Variants in SLC24A2 observed in about 807,000 individuals in gnomAD.
The protein encoded by SLC24A2 is sodium/potassium/calcium exchanger 2.
A neutral mutation model predicts 62.0 loss-of-function variants in SLC24A2; 36 were observed. That is an observed-to-expected ratio of 0.58 (90% confidence interval 0.44 to 0.77). SLC24A2 has a LOEUF of 0.77. Among genes scored for constraint, SLC24A2 ranks in the 30% least tolerant of loss-of-function variants. SLC24A2 has a pLI of 0.00. For missense variants in SLC24A2, 846 were observed against 817.9 expected, an observed-to-expected ratio of 1.03 and a Z score of -0.42; for synonymous variants, 358 against 294.0, an observed-to-expected ratio of 1.22 and a Z score of -2.23.
intron 2 of SLC24A2, among the ~76,000 whole-genome samples, chr9:19,695,679 C>CAAAAAAAA (rs66668393): frequency 1.4e-5 from 1 of 73,536 alleles, no homozygotes; most frequent in Non-Finnish European, 2.4e-5. Context: ...TTGTTAGTAG[C>CAAAAAAAA]AAAAAAAAAA....
intron 2 of SLC24A2, among the ~76,000 whole-genome samples, chr9:19,674,751 C>T (rs1280797651): frequency 6.6e-6 from 1 of 152,032 alleles, no homozygotes; most frequent in East Asian, 1.9e-4. Flanking sequence ...AGATTTTTCC[C>T]TTCCTATCTT....
chr9:20,212,980 T>A, the SLC24A2 span, among the ~76,000 whole-genome samples: 1 of 151,556 alleles, frequency 6.6e-6, no homozygotes, highest in Non-Finnish European at 1.5e-5. Context: ...TGTGAACACA[T>A]AGACACAGGG....
chr9:19,980,607 G>T, the SLC24A2 span, among the ~76,000 whole-genome samples: 2 of 152,098 alleles, frequency 1.3e-5, no homozygotes, highest in African/African-American at 4.8e-5. Context: ...TTTAATATGA[G>T]GTGGTAAGAT....
At chr9:19,892,150 C>T in the SLC24A2 span, among the ~76,000 whole-genome samples, 60,308 of 151,746 alleles carry the variant, frequency 0.4, 12,574 homozygotes, top group East Asian at 0.84. Context: ...CTTTTTCTTC[C>T]GTTTAGAATG....
chr9:19,969,442 A>T, the SLC24A2 span, among the ~76,000 whole-genome samples: 2 of 152,176 alleles, frequency 1.3e-5, no homozygotes, highest in Non-Finnish European at 2.9e-5. Context: ...ATAAAGCACA[A>T]AAAAATTCCA....
the SLC24A2 span, among the ~76,000 whole-genome samples, chr9:20,099,583 T>A: frequency 2.6e-5 from 4 of 152,068 alleles, no homozygotes; most frequent in African/African-American, 7.2e-5. Flanking sequence ...ACAGATTGTT[T>A]TGTGCTTGTA....
the SLC24A2 span, among the ~76,000 whole-genome samples, chr9:20,012,627 T>C: frequency 1.3e-5 from 2 of 152,168 alleles, no homozygotes; most frequent in Non-Finnish European, 2.9e-5. Flanking sequence ...TGATCTTATA[T>C]ATAAAAGATC....
chr9:19,974,105 A>G, the SLC24A2 span, among the ~76,000 whole-genome samples: 2 of 152,172 alleles, frequency 1.3e-5, no homozygotes, highest in African/African-American at 4.8e-5. Context: ...GTATATGATA[A>G]GCACTGAATA....
chr9:20,260,974 G>A, the SLC24A2 span, among the ~76,000 whole-genome samples: 1 of 149,078 alleles, frequency 6.7e-6, no homozygotes, highest in Non-Finnish European at 1.5e-5. Context: ...TCCTGCCTCA[G>A]CCTCTCGAGT....
At chr9:19,779,491 A>G (rs1822946099) in intron 2 of SLC24A2, among the ~76,000 whole-genome samples, 1 of 152,230 alleles carries the variant, frequency 6.6e-6, no homozygotes, top group South Asian at 2.1e-4. Flanking sequence ...TCTACTCACT[A>G]CTTTTGTCCT....
the SLC24A2 span, among the ~76,000 whole-genome samples, chr9:20,208,353 G>GA: frequency 1.3e-5 from 2 of 152,200 alleles, no homozygotes; most frequent in Non-Finnish European, 1.5e-5. Flanking sequence ...ATAGCACGGC[G>GA]AAGGCTGAAG....
intron 2 of SLC24A2, among the ~76,000 whole-genome samples, chr9:19,744,786 C>G (rs1821784015): frequency 1.3e-5 from 2 of 152,170 alleles, no homozygotes; most frequent in South Asian, 4.1e-4. Flanking sequence ...ATTCATTTTA[C>G]TCTGCTTCCC....
chr9:19,960,641 A>G, the SLC24A2 span, among the ~76,000 whole-genome samples: 1 of 152,204 alleles, frequency 6.6e-6, no homozygotes, highest in Non-Finnish European at 1.5e-5. Flanking sequence ...CTACTCTAGT[A>G]CTTAGTGTGT....
chr9:19,549,144 ATCGATTAAAGTAATGATAGTAAACATAG>A (rs1224713403), intron 8 of SLC24A2, among the ~76,000 whole-genome samples: 3 of 152,214 alleles, frequency 2.0e-5, no homozygotes, highest in South Asian at 2.1e-4. Flanking sequence ...AGATAATAAA[ATCGATTAAAGTAATGATAGTAAACATAG>A]TCGATTAAAG....
the SLC24A2 span, among the ~76,000 whole-genome samples, chr9:20,306,800 G>A: frequency 2.0e-5 from 3 of 152,146 alleles, no homozygotes; most frequent in Admixed American, 6.5e-5. Context: ...GGGTTCAAGC[G>A]ATTCTCCCGC....
the SLC24A2 span, among the ~76,000 whole-genome samples, chr9:19,848,446 A>T: frequency 6.6e-6 from 1 of 152,130 alleles, no homozygotes; most frequent in Non-Finnish European, 1.5e-5. Flanking sequence ...ACAATTTATT[A>T]TTGGTGTGGA....
chr9:20,219,958 C>A, the SLC24A2 span, among the ~76,000 whole-genome samples: 1 of 152,114 alleles, frequency 6.6e-6, no homozygotes, highest in Non-Finnish European at 1.5e-5. Context: ...ATCCTACCTA[C>A]CATACAGGGT....
At chr9:20,305,294 G>C in the SLC24A2 span, among the ~76,000 whole-genome samples, 32 of 151,974 alleles carry the variant, frequency 2.1e-4, no homozygotes, top group African/African-American at 7.5e-4. Context: ...TTTTAGTAGA[G>C]ATGAGGTTTC....
chr9:20,183,690 G>C, the SLC24A2 span, among the ~76,000 whole-genome samples: 2 of 152,168 alleles, frequency 1.3e-5, no homozygotes, highest in Non-Finnish European at 1.5e-5. Context: ...GATGGAAGAG[G>C]CTTCAGAGGA....
Sources: allele counts gnomAD v4.1 joint callset (sites outside exome capture counted in the v4.1 genomes callset), GRCh38; gene constraint gnomAD v4.1.1; transcripts MANE v1.5; gene names NCBI Gene and HGNC (gene_info 2026-07-23, HGNC 2026-07-21).